The following CNBD2 variants were observed in gnomAD, a reference collection of about 807,000 sequenced individuals.
CNBD2 encodes the protein cyclic nucleotide-binding domain-containing protein 2.
In CNBD2, 64 loss-of-function variants were observed where a neutral mutation model predicts 63.7. The observed-to-expected ratio is 1.00, with a 90% CI of 0.82 to 1.24. The LOEUF (loss-of-function observed/expected upper bound fraction) is 1.24. Among genes scored for constraint, CNBD2 ranks in the 50% most tolerant of loss-of-function variants. The pLI, the probability that CNBD2 is intolerant of heterozygous loss-of-function variation, is 0.00. For missense variants in CNBD2, 691 were observed against 713.5 expected (o/e 0.97, Z 0.36); for synonymous variants, 229 against 255.4 (o/e 0.90, Z 0.99).
intron 8 of CNBD2, among the ~76,000 whole-genome samples, chr20:36,001,312 G>C: frequency 6.7e-6 from 1 of 150,318 alleles, no homozygotes; most frequent in African/African-American, 2.5e-5. Context: ...CAGTAGGGGC[G>C]GCCGGGCAGA....
In CNBD2 at chr20:35,995,147, T is replaced by G; in HGVS notation, c.965T>G (p.Leu322Arg). 1 of 1,611,902 alleles carries G rather than the reference T, an allele frequency of 6.2e-7. No individual in the cohort carries two copies. The highest frequency in any genetic ancestry group is 8.5e-7 in the Non-Finnish European group (1 of 1,178,340). Residue 322 changes from leucine to arginine, a missense_variant, in exon 8 of 12, where the codon CTG becomes CGG. By Grantham distance (102) the Leu-to-Arg change is moderately radical. Transcript: ENST00000373973. ...GATGGCAGACCTCTGAAGACCCACC[T>G]GAGTGGTAAGCTGCCTTGGCCTGTC... is the stretch of plus-strand genomic sequence containing the variant. ...LIDGRPLKTH[L>R]SEYSPMERFK...
intron 1 of CNBD2, among the ~76,000 whole-genome samples, chr20:35,971,963 G>A (rs900535984): frequency 1.3e-5 from 2 of 152,114 alleles, no homozygotes; most frequent in African/African-American, 4.8e-5. Flanking sequence ...AGGTAGGGTG[G>A]CCCATCTTGG....
chr20:35,984,851 CCTGGTGGGAAACATA>C (rs1338615758), intron 6 of CNBD2, 73 bp downstream of exon 6: 2 of 1,488,214 alleles, frequency 1.3e-6, no homozygotes, highest in Non-Finnish European at 1.9e-6. Flanking sequence ...CTGTCCTAGG[CCTGGTGGGAAACATA>C]CTGGTTGCTG....
intron 10 of CNBD2, among the ~76,000 whole-genome samples, chr20:36,022,705 A>G (rs541548696): frequency 1.3e-5 from 2 of 151,984 alleles, no homozygotes; most frequent in African/African-American, 4.8e-5. Flanking sequence ...ATCTTGGCTC[A>G]CTGCAACCTC....
intron 8 of CNBD2, among the ~76,000 whole-genome samples, chr20:36,000,282 C>A (rs6121120): frequency 0.019 from 2,592 of 139,624 alleles, 71 homozygotes; most frequent in African/African-American, 0.071. Context: ...AAAGATGTTG[C>A]ATTAAAGTCT....
chr20:35,956,050 G>C (rs1385072029), downstream of CNBD2, among the ~76,000 whole-genome samples: 2 of 152,190 alleles, frequency 1.3e-5, no homozygotes, highest in Non-Finnish European at 1.5e-5. Flanking sequence ...TCATTTTACA[G>C]AAGGGGAAAC....
At chr20:35,959,089 G>A (rs1282569799), downstream of CNBD2, 1 of 152,210 alleles carries the variant, frequency 6.6e-6, no homozygotes, top group Non-Finnish European at 1.5e-5. Flanking sequence ...GTTATTTTAT[G>A]ACATGGCTTT....
At chr20:36,019,360 A>G (rs940187957) in intron 10 of CNBD2, among the ~76,000 whole-genome samples, 1 of 151,768 alleles carries the variant, frequency 6.6e-6, no homozygotes, top group Non-Finnish European at 1.5e-5. Flanking sequence ...CCCCGTCTCT[A>G]CCAAAAACAA....
intron 10 of CNBD2, among the ~76,000 whole-genome samples, chr20:36,017,152 A>C (rs1474506931): frequency 6.6e-6 from 1 of 151,784 alleles, no homozygotes; most frequent in Non-Finnish European, 1.5e-5. Context: ...GCTGGGTGGC[A>C]GGTGCCAGAG....
At chr20:36,000,754 T>A (rs1015053637) in intron 8 of CNBD2, among the ~76,000 whole-genome samples, 34 of 76,364 alleles carry the variant, frequency 4.5e-4, no homozygotes, top group African/African-American at 2.2e-3. Flanking sequence ...GTGTATGAAA[T>A]TTTTTTTTTT....
At chr20:35,959,314 T>C (rs2056287550), downstream of CNBD2, 1 of 143,088 alleles carries the variant, frequency 7.0e-6, no homozygotes, top group South Asian at 2.5e-4. Flanking sequence ...GTCACAGGCA[T>C]TGATATTATT....
At position 35,975,967 on chromosome 20, in the gene CNBD2, G is replaced by C. The variant is rs749170763; in HGVS notation, c.208G>C (p.Val70Leu). The change falls in exon 3 of 12, where the codon GTC becomes CTC. Residue 70 changes from valine (V) to leucine (L), a missense_variant. Coordinates refer to ENST00000373973, the MANE Select transcript of CNBD2 (RefSeq NM_001365709.1). ...CTTTCAGAAAAAGATGCAAAGCCGA[G>C]TCACATTTGATACCATGGACTTCAT... ...SFWDKKMQSR[V>L]TFDTMDFIAE... is the part of the protein sequence containing the mutation. 1 of 1,613,268 alleles carries C rather than the reference G, an allele frequency of 6.2e-7. No homozygotes were observed. Among genetic ancestry groups the C allele is most frequent in the South Asian group, 1.1e-5 (1 of 90,992 alleles).
chr20:36,022,405 C>G (rs1485257147), intron 10 of CNBD2, among the ~76,000 whole-genome samples: 1 of 151,310 alleles, frequency 6.6e-6, no homozygotes, highest in East Asian at 2.0e-4. Context: ...TCACCGTGTT[C>G]GTCAGGATGG....
chr20:35,985,072 C>A (rs2056650040), intron 6 of CNBD2, among the ~76,000 whole-genome samples: 1 of 151,982 alleles, frequency 6.6e-6, no homozygotes. Context: ...GTGGGAGGAT[C>A]CCTGAACCCA....
chr20:36,022,217 T>TTTTTG (rs561441076), intron 10 of CNBD2, among the ~76,000 whole-genome samples: 10 of 107,120 alleles, frequency 9.3e-5, no homozygotes, highest in South Asian at 3.7e-4. Context: ...TTTTTTTTTT[T>TTTTTG]GAGATGGAGT....
chr20:35,975,824 G>A, intron 2 of CNBD2, 125 bp from the exon 3 acceptor site: 1 of 800,176 alleles, frequency 1.2e-6, no homozygotes, highest in Non-Finnish European at 2.1e-6. Flanking sequence ...AGGGCCGGCT[G>A]CTATGAGGTT....
upstream of CNBD2, among the ~76,000 whole-genome samples, chr20:35,967,416 A>T (rs979406135): frequency 1.3e-5 from 2 of 150,922 alleles, no homozygotes; most frequent in East Asian, 3.9e-4. Context: ...CACCCGGCTA[A>T]TTTTTTTGTA....
intron 9 of CNBD2, among the ~76,000 whole-genome samples, chr20:36,009,493 C>T (rs1054755706): frequency 9.9e-5 from 15 of 151,694 alleles, no homozygotes; most frequent in South Asian, 2.1e-4. Context: ...TGAGCCACCA[C>T]GCCCAACCGA....
At chr20:35,972,239 C>T (rs1428719851) in intron 1 of CNBD2, among the ~76,000 whole-genome samples, 1 of 152,174 alleles carries the variant, frequency 6.6e-6, no homozygotes, top group Non-Finnish European at 1.5e-5. Context: ...ATTATTCCCT[C>T]AGATCTATCT....
Sources: gnomAD v4.1 joint callset for allele counts (sites outside exome capture counted in the v4.1 genomes callset) on GRCh38, gnomAD v4.1.1 for gene constraint, MANE v1.5 for transcripts, NCBI Gene and HGNC (gene_info 2026-07-23, HGNC 2026-07-21) for gene names.